The following MYO3A variants were observed in gnomAD, a reference collection of about 807,000 sequenced individuals.
MYO3A encodes myosin IIIA, also known as myosin-IIIa.
In MYO3A, 180 loss-of-function variants were observed where a neutral mutation model predicts 192.7. The observed-to-expected ratio is 0.93, with a 90% CI of 0.83 to 1.06. The LOEUF (loss-of-function observed/expected upper bound fraction) is 1.06, where lower values mean the gene tolerates loss of function less well. Among genes scored for constraint, MYO3A ranks in the 50% least tolerant of loss-of-function variants. MYO3A has a pLI of 0.00. For missense variants in MYO3A, 1,896 were observed against 1,905.0 expected (o/e 1.00, Z 0.09); for synonymous variants, 628 against 645.3 (o/e 0.97, Z 0.41).
chr10:26,153,091 G>T, intron 23 of MYO3A, among the ~76,000 whole-genome samples: 1 of 152,204 alleles, frequency 6.6e-6, no homozygotes, highest in East Asian at 1.9e-4. Context: ...CTTCGATTGT[G>T]GGTTGGTTGG....
intron 21 of MYO3A, among the ~76,000 whole-genome samples, chr10:26,144,240 C>T (rs1025942324): frequency 6.6e-6 from 1 of 151,604 alleles, no homozygotes; most frequent in African/African-American, 2.4e-5. Flanking sequence ...TTTCAGATAT[C>T]TGAAAAAAAA....
At chr10:26,029,092 G>T (rs1842691622) in intron 10 of MYO3A, among the ~76,000 whole-genome samples, 1 of 152,166 alleles carries the variant, frequency 6.6e-6, no homozygotes, top group East Asian at 1.9e-4. Context: ...AAATTTGAGA[G>T]ACCCATAAAT....
intron 2 of MYO3A, among the ~76,000 whole-genome samples, chr10:25,943,768 TTGTG>T (rs58905708): frequency 0.015 from 2,103 of 142,674 alleles, 45 homozygotes; most frequent in Admixed American, 0.062. Context: ...GTTCTAACAT[TTGTG>T]TGTGTGTGTG....
At chr10:25,947,384 T>C (rs1337817695) in intron 2 of MYO3A, among the ~76,000 whole-genome samples, 1 of 131,620 alleles carries the variant, frequency 7.6e-6, no homozygotes, top group Non-Finnish European at 1.6e-5. Flanking sequence ...ATTTCTTTTC[T>C]TTTTCTTTTT....
At chr10:26,171,204 T>C (rs1469805134) in intron 29 of MYO3A, among the ~76,000 whole-genome samples, 1 of 152,136 alleles carries the variant, frequency 6.6e-6, no homozygotes, top group Non-Finnish European at 1.5e-5. Context: ...GGGAAAAATA[T>C]CTACATTTTG....
At chr10:25,955,051 G>A (rs781681200) in intron 4 of MYO3A, 43 bp downstream of exon 4, 25 of 1,605,384 alleles carry the variant, frequency 1.6e-5, no homozygotes, top group Non-Finnish European at 2.1e-5. Flanking sequence ...AACTTAGAGT[G>A]TGGTTCTGAA....
chr10:26,127,351 CAA>C (rs1839276237), intron 19 of MYO3A, among the ~76,000 whole-genome samples: 1 of 151,928 alleles, frequency 6.6e-6, no homozygotes. Context: ...TCCTGTGGGG[CAA>C]AGAGATTGTA....
rs569012165 is a variant in MYO3A at position 26,133,414 on chromosome 10, T to A, written c.2262+4876T>A. On this transcript the variant is annotated intron_variant, in intron 20 of 34. Coordinates refer to ENST00000642920, the MANE Select transcript of MYO3A (RefSeq NM_017433.5). ...CTCTGGGCTGTGGACCTGTTGCTCTTCTCTCCCTCTGGCTTCGCAGACGGC... is the reference window on the plus strand; with the variant it reads ...CTCTGGGCTGTGGACCTGTTGCTCTACTCTCCCTCTGGCTTCGCAGACGGC... Among the ~76,000 whole-genome samples the A allele has an allele frequency of 2.0e-5, 3 of 152,320 alleles. No individual in the cohort carries two copies. The East Asian group carries it at 5.8e-4, about 29-fold the overall frequency.
intron 23 of MYO3A, among the ~76,000 whole-genome samples, chr10:26,153,170 C>T (rs542501978): frequency 6.6e-6 from 1 of 152,264 alleles, no homozygotes; most frequent in African/African-American, 2.4e-5. Context: ...ATGTGCCAGA[C>T]ATATTATCGC....
chr10:26,194,951 T>A (rs906791009), intron 32 of MYO3A, among the ~76,000 whole-genome samples: 1 of 152,238 alleles, frequency 6.6e-6, no homozygotes, highest in African/African-American at 2.4e-5. Context: ...ACTCACAGCT[T>A]TGTTGAGATA....
At chr10:26,145,593 A>G (rs1367138700) in intron 22 of MYO3A, 59 bp downstream of exon 22, 2 of 1,294,724 alleles carry the variant, frequency 1.5e-6, no homozygotes, top group Admixed American at 1.7e-5. Flanking sequence ...GAATAATAGG[A>G]TAGACATGAA....
At chr10:25,962,290 A>G (rs1837981577) in intron 4 of MYO3A, among the ~76,000 whole-genome samples, 1 of 152,156 alleles carries the variant, frequency 6.6e-6, no homozygotes, top group Non-Finnish European at 1.5e-5. Context: ...CATGAATGAT[A>G]TACAAGGACT....
intron 10 of MYO3A, among the ~76,000 whole-genome samples, chr10:26,060,480 A>G (rs1159339847): frequency 6.6e-6 from 1 of 151,898 alleles, no homozygotes; most frequent in Non-Finnish European, 1.5e-5. Context: ...ACAAACAAAC[A>G]AACAAACAAA....
At chr10:26,149,641 G>A (rs56153367) in intron 23 of MYO3A, among the ~76,000 whole-genome samples, 14,785 of 151,936 alleles carry the variant, frequency 0.097, 786 homozygotes, top group Non-Finnish European at 0.12. Flanking sequence ...TAAATTGACA[G>A]CTAAAATTGT....
At chr10:26,087,829 C>A (rs1453046568) in intron 14 of MYO3A, among the ~76,000 whole-genome samples, 1 of 152,170 alleles carries the variant, frequency 6.6e-6, no homozygotes, top group Non-Finnish European at 1.5e-5. Flanking sequence ...TCTGTGGAAG[C>A]CAGTAAAGTG....
In MYO3A at chr10:26,128,453, A is replaced by C. The variant is rs1411421379; in HGVS notation, c.2177A>C (p.Lys726Thr). 6.2e-7 allele frequency: 1 copy of C among 1,612,708 alleles called. No homozygotes were observed. Among genetic ancestry groups the C allele is most frequent in the Admixed American group, 1.7e-5 (1 of 60,000 alleles). Reference sequence around the variant, plus strand: ...ATATTTGGCTTTGAAAATTTCAAAAAAAATTCCTTCGAGCAGCTGTGCATT... The same window carrying C: ...ATATTTGGCTTTGAAAATTTCAAAACAAATTCCTTCGAGCAGCTGTGCATT... ...LDIFGFENFK[K>T]NSFEQLCINI... is the part of the protein sequence containing the mutation. Residue 726 changes from lysine (K) to threonine (T), a missense_variant, in exon 20 of 35, where the codon AAA becomes ACA. By Grantham distance (78) the Lys-to-Thr change is moderately conservative (BLOSUM62 -1). Transcript: ENST00000642920.
At chr10:26,122,712 C>A (rs1332735704) in intron 18 of MYO3A, among the ~76,000 whole-genome samples, 1 of 152,116 alleles carries the variant, frequency 6.6e-6, no homozygotes, top group African/African-American at 2.4e-5. Context: ...TCCCTCTCCC[C>A]CTCCTTCTCC....
intron 3 of MYO3A, among the ~76,000 whole-genome samples, chr10:25,952,499 G>T (rs1424597886): frequency 6.6e-6 from 1 of 152,098 alleles, no homozygotes; most frequent in African/African-American, 2.4e-5. Flanking sequence ...AAATGCATAA[G>T]CACGCAAAAA....
intron 19 of MYO3A, among the ~76,000 whole-genome samples, chr10:26,127,685 T>A (rs780262129): frequency 9.9e-5 from 15 of 152,092 alleles, no homozygotes; most frequent in Admixed American, 2.0e-4. Context: ...ACTTTCTTTT[T>A]ATAATTCACA....
Sources: allele counts gnomAD v4.1 joint callset (sites outside exome capture counted in the v4.1 genomes callset), GRCh38; gene constraint gnomAD v4.1.1; transcripts MANE v1.5; gene names NCBI Gene and HGNC (gene_info 2026-07-23, HGNC 2026-07-21).